Variants in RNASEH2B observed in about 807,000 individuals in gnomAD.
RNASEH2B encodes the protein Aicardi-Goutieres syndrome 2 protein.
A neutral mutation model predicts 45.0 loss-of-function variants in RNASEH2B; 36 were observed. The ratio of observed to expected loss-of-function variants is 0.80; its 90% confidence interval spans 0.61 to 1.06. RNASEH2B has a LOEUF of 1.06. Among genes scored for constraint, RNASEH2B ranks in the 50% least tolerant of loss-of-function variants. The probability of loss-of-function intolerance (pLI) is 0.00; values close to 1 mark genes in which losing one functional copy is unlikely to be tolerated. For synonymous variants in RNASEH2B, 119 were observed against 125.7 expected, an observed-to-expected ratio of 0.95 and a Z score of 0.35; for missense variants, 361 against 360.3, an observed-to-expected ratio of 1.00 and a Z score of -0.02.
intron 10 of RNASEH2B, chr13:50,954,262 G>C: frequency 1.9e-6 from 1 of 538,120 alleles, no homozygotes; most frequent in Non-Finnish European, 3.3e-6. Flanking sequence ...TGGGAAAGGA[G>C]GGAGGAAGCT....
chr13:50,921,641 G>A (rs1951525509), intron 1 of RNASEH2B, among the ~76,000 whole-genome samples: 1 of 152,154 alleles, frequency 6.6e-6, no homozygotes, highest in Non-Finnish European at 1.5e-5. Context: ...GAATTTATCA[G>A]AAATATTATA....
intron 1 of RNASEH2B, among the ~76,000 whole-genome samples, chr13:50,918,262 C>A (rs183486887): frequency 6.6e-6 from 1 of 152,044 alleles, no homozygotes; most frequent in African/African-American, 2.4e-5. Flanking sequence ...CTCAGCCTCC[C>A]GAGTAGCTGG....
At chr13:50,930,913 G>T in intron 4 of RNASEH2B, 154 bp downstream of exon 4, 1 of 705,186 alleles carries the variant, frequency 1.4e-6, no homozygotes. Context: ...GGCCAGTGCA[G>T]GACAGAGCAC....
chr13:50,912,200 G>A (rs779395241), intron 1 of RNASEH2B: 1 of 152,206 alleles, frequency 6.6e-6, no homozygotes, highest in Admixed American at 6.5e-5. Context: ...CTTCCTTCTG[G>A]CCTTTAGCGC....
chr13:50,956,589 C>G lies in RNASEH2B; in HGVS notation c.*115C>G, dbSNP rs1952054694. ...GGAAGGAAGAGGCCAATTTCATGTT[C>G]TCTTAAACATTTCTTTGCATTTGGT... On this transcript the variant is annotated 3_prime_UTR_variant, in exon 11 of 11. Coordinates refer to ENST00000336617, the MANE Select transcript of RNASEH2B (RefSeq NM_024570.4). 5 of 1,500,320 alleles carry G rather than the reference C, an allele frequency of 3.3e-6. No homozygotes were observed. Among genetic ancestry groups the G allele is most frequent in the Non-Finnish European group, 4.5e-6 (5 of 1,123,132 alleles). 92.9% of individuals were successfully genotyped at this position (1,500,320 alleles called of 1,614,324 possible). A position where few individuals can be genotyped will look rare whatever the true frequency, so the allele number is the denominator to read the frequency against.
At chr13:50,927,136 T>C (rs1444730047) in intron 1 of RNASEH2B, 1 of 390,734 alleles carries the variant, frequency 2.6e-6, no homozygotes, top group African/African-American at 2.1e-5. Flanking sequence ...GCTATCCAAG[T>C]GGCTAAGCCA....
chr13:50,934,654 A>G (rs1951722731), intron 4 of RNASEH2B: 2 of 556,222 alleles, frequency 3.6e-6, no homozygotes, highest in African/African-American at 3.8e-5. Flanking sequence ...TGGGGACTGT[A>G]CACCCAAGGT....
At chr13:50,933,795 A>C (rs1951712247) in intron 4 of RNASEH2B, 1 of 152,228 alleles carries the variant, frequency 6.6e-6, no homozygotes, top group South Asian at 2.1e-4. Context: ...TTGATTGATC[A>C]TGGAAGACTA....
exon 10 of RNASEH2B, chr13:50,970,189 G>A: frequency 1.6e-6 from 1 of 607,070 alleles, no homozygotes; most frequent in Non-Finnish European, 2.9e-6. Flanking sequence ...CCGTCCAGGA[G>A]CTTGAAAGCA....
intron 8 of RNASEH2B, chr13:50,948,530 A>G (rs1471918860): frequency 6.3e-6 from 1 of 157,714 alleles, no homozygotes; most frequent in African/African-American, 2.4e-5. Context: ...TATGAAACAC[A>G]ATCTGTGTCT....
Position 50,953,980 on chromosome 13 carries a change from GA to G in RNASEH2B, c.821del (p.Lys274ArgfsTer6). Reference sequence around the variant, plus strand: ...GTTTAATACTAAAGATTTGAAGACTGAAAAGGTATGTGGGTTCAGGTGTAGT... The same window carrying G: ...GTTTAATACTAAAGATTTGAAGACTGAAAGGTATGTGGGTTCAGGTGTAGT... Reference protein sequence around the residue: ...TKFNTKDLKTEKKNSKMTAAQ... With the variant: ...TKFNTKDLKTXKKNSKMTAAQ... On this transcript the variant is annotated frameshift_variant, in exon 10 of 11. Coordinates refer to ENST00000336617, the MANE Select transcript of RNASEH2B (RefSeq NM_024570.4). LOFTEE classifies it high-confidence loss of function. 2 of 1,590,188 alleles carry G rather than the reference GA, an allele frequency of 1.3e-6. No individual in the cohort carries two copies. The highest frequency in any genetic ancestry group is 1.7e-6 in the Non-Finnish European group (2 of 1,158,266).
At chr13:50,958,715 G>A (rs1952080751), downstream of RNASEH2B, among the ~76,000 whole-genome samples, 1 of 151,992 alleles carries the variant, frequency 6.6e-6, no homozygotes, top group Admixed American at 6.6e-5. Context: ...GTTTTTTAAT[G>A]ACAGTATAAT....
chr13:50,965,698 G>A (rs189556369), intron 9 of RNASEH2B, among the ~76,000 whole-genome samples: 14 of 152,264 alleles, frequency 9.2e-5, no homozygotes, highest in Admixed American at 4.6e-4. Context: ...ACTTGTATGG[G>A]CCTTAAATTT....
chr13:50,964,825 G>C (rs538042285), intron 9 of RNASEH2B, among the ~76,000 whole-genome samples: 2 of 152,244 alleles, frequency 1.3e-5, no homozygotes, highest in South Asian at 2.1e-4. Context: ...GCCTTTGTAT[G>C]ACTGGTTTGT....
At chr13:50,926,422 G>T (rs1244739247) in intron 1 of RNASEH2B, among the ~76,000 whole-genome samples, 1 of 152,022 alleles carries the variant, frequency 6.6e-6, no homozygotes. Context: ...TTGGTAATAG[G>T]AACATTTTAA....
intron 1 of RNASEH2B, chr13:50,912,212 AC>A (rs1879454150): frequency 1.3e-5 from 2 of 152,268 alleles, no homozygotes; most frequent in African/African-American, 4.8e-5. Context: ...CTTTAGCGCC[AC>A]CTGCAGGCTC....
At chr13:50,910,648 T>A in intron 1 of RNASEH2B, 1 of 152,686 alleles carries the variant, frequency 6.5e-6, no homozygotes, top group Non-Finnish European at 1.5e-5. Flanking sequence ...CCAAGGGTAG[T>A]TCAAAGCGAT....
At chr13:50,931,185 T>C (rs1165176743) in intron 4 of RNASEH2B, among the ~76,000 whole-genome samples, 1 of 152,160 alleles carries the variant, frequency 6.6e-6, no homozygotes, top group Non-Finnish European at 1.5e-5. Flanking sequence ...CAATAGAAGC[T>C]CATTAATGGT....
chr13:50,931,777 T>C (rs1947942323), intron 4 of RNASEH2B, among the ~76,000 whole-genome samples: 1 of 152,230 alleles, frequency 6.6e-6, no homozygotes. Flanking sequence ...CAATGTGAAA[T>C]GTGAAACTTT....
Sources: gnomAD v4.1 joint callset for allele counts (sites outside exome capture counted in the v4.1 genomes callset) on GRCh38, gnomAD v4.1.1 for gene constraint, MANE v1.5 for transcripts, NCBI Gene and HGNC (gene_info 2026-07-23, HGNC 2026-07-21) for gene names.